Variants in SOD2 observed in about 807,000 individuals in gnomAD.
SOD2 encodes the protein superoxide dismutase 2, also known as superoxide dismutase [Mn], mitochondrial.
Under a neutral mutation model 27.0 loss-of-function variants are expected in SOD2, and 11 were observed. The ratio of observed to expected loss-of-function variants is 0.41; its 90% CI spans 0.26 to 0.67. SOD2 has a LOEUF of 0.67. Ranked by LOEUF, SOD2 falls within the 30% of genes least tolerant of loss-of-function variation. The probability of loss-of-function intolerance (pLI) is 0.34; values close to 1 mark genes in which losing one functional copy is unlikely to be tolerated. For synonymous variants in SOD2, 105 were observed against 103.0 expected (o/e 1.02, Z -0.12); for missense variants, 250 against 274.5 (o/e 0.91, Z 0.63).
rs1338638156 is a variant in SOD2 at position 159,677,227 on chromosome 6, C to T, written c.*5266G>A. 1 of 152,158 alleles carries T rather than the reference C, an allele frequency of 6.6e-6. No homozygotes were observed. Among genetic ancestry groups the T allele is most frequent in the Non-Finnish European group, 1.5e-5 (1 of 68,042 alleles). The allele number at this position is 152,158 out of a possible 1,614,324, so 9.4% of individuals were successfully genotyped here. ...GACTACTGGGTGCAACAATGGGACA[C>T]ACTGAAAGATGACTAGCATGTCATA... On this transcript the variant is annotated 3_prime_UTR_variant, in exon 5 of 5. Transcript: ENST00000538183.
At chr6:159,750,816 A>C (rs1779792013) in intron 1 of SOD2, among the ~76,000 whole-genome samples, 1 of 147,708 alleles carries the variant, frequency 6.8e-6, no homozygotes, top group African/African-American at 2.5e-5. Context: ...TACATCACTA[A>C]TTTGAAACAA....
chr6:159,753,337 A>G, intron 1 of SOD2: 1 of 1,323,570 alleles, frequency 7.6e-7, no homozygotes, highest in Non-Finnish European at 1.1e-6. Context: ...GATGGTAATT[A>G]TGGGGAAGCA....
Position 159,673,825 on chromosome 6 carries a change from G to C in SOD2, c.*8668C>G, listed in dbSNP as rs1779719211. The C allele has an allele frequency of 6.6e-6, 1 of 152,080 alleles. No homozygotes were observed. 9.4% of individuals were successfully genotyped at this position (152,080 alleles called of 1,614,324 possible). A position where few individuals can be genotyped will look rare whatever the true frequency, so the allele number is the denominator to read the frequency against. ...AATCCAGGAGCTGGTTTTTTGAAAA[G>C]ATAAACACAATTGATAGACCGCTAG... On this transcript the variant is annotated 3_prime_UTR_variant, in exon 5 of 5. Coordinates refer to ENST00000538183, the MANE Select transcript of SOD2 (RefSeq NM_000636.4).
intron 1 of SOD2, among the ~76,000 whole-genome samples, chr6:159,711,604 T>TCCACAACCACCACTCAGCTGCTCTGACCA (rs1562437344): frequency 1.7e-5 from 1 of 59,682 alleles, no homozygotes; most frequent in African/African-American, 7.1e-5. Context: ...CATAACCACC[T>TCCACAACCACCACTCAGCTGCTCTGACCA]CCATAACCAC....
chr6:159,694,845 C>G (rs1046630520), upstream of SOD2, among the ~76,000 whole-genome samples: 3 of 151,286 alleles, frequency 2.0e-5, no homozygotes, highest in African/African-American at 7.3e-5. Context: ...CTCAAGTGAT[C>G]TGCCCGCCTC....
chr6:159,702,778 A>G (rs1369303585), intron 1 of SOD2, among the ~76,000 whole-genome samples: 3 of 147,148 alleles, frequency 2.0e-5, no homozygotes, highest in Admixed American at 1.4e-4. Context: ...TGAGCCCAGA[A>G]GGCAGAGGAT....
chr6:159,751,330 T>C (rs1426380129), intron 1 of SOD2, among the ~76,000 whole-genome samples: 1 of 152,242 alleles, frequency 6.6e-6, no homozygotes, highest in Non-Finnish European at 1.5e-5. Context: ...GGTCACAGAT[T>C]AATGTATCTT....
chr6:159,709,865 C>A (rs946340289), intron 1 of SOD2, among the ~76,000 whole-genome samples: 45 of 152,130 alleles, frequency 3.0e-4, no homozygotes, highest in African/African-American at 9.6e-4. Flanking sequence ...CTGGAGCCAA[C>A]CCAAATGTCC....
chr6:159,712,445 C>A (rs541227434), intron 1 of SOD2, among the ~76,000 whole-genome samples: 3 of 41,726 alleles, frequency 7.2e-5, no homozygotes, highest in East Asian at 4.7e-4. Flanking sequence ...ACCACTCACA[C>A]TGCTCAGACC....
chr6:159,692,504 A>G (rs940388379), intron 2 of SOD2, 157 bp downstream of exon 2: 1 of 1,458,312 alleles, frequency 6.9e-7, no homozygotes, highest in Non-Finnish European at 9.1e-7. Context: ...GAGGTAGACC[A>G]TGTGTTTAAA....
chr6:159,721,429 T>C (rs940760349), intron 1 of SOD2, among the ~76,000 whole-genome samples: 6 of 151,454 alleles, frequency 4.0e-5, no homozygotes, highest in African/African-American at 7.3e-5. Context: ...AGTGCAATGG[T>C]GCGATCTTGG....
rs1778186454 is a variant in SOD2, at chr6:159,726,736, A to G, written c.-116+393T>C. 8.6e-6 allele frequency: 11 copies of G among 1,279,670 alleles called. No homozygotes were observed. The South Asian group carries it at 1.2e-4, about 14-fold the overall frequency. The allele number at this position is 1,279,670 out of a possible 1,614,324, so 79.3% of individuals were successfully genotyped here. ...GCGCAACCTCCGACGCCAGAGAACA[A>G]TAGCTCCTCGATGCGTCTCCAGAGA... On this transcript the variant is annotated intron_variant, in intron 1 of 2. Coordinates refer to the SOD2 transcript ENST00000401980.
chr6:159,684,773 CTG>C (rs5746130), intron 4 of SOD2, 79 bp downstream of exon 4: 10 of 1,118,420 alleles, frequency 8.9e-6, no homozygotes, highest in Admixed American at 4.8e-5. Context: ...TCTTAAAACA[CTG>C]TTAGTTTTCC....
intron 1 of SOD2, chr6:159,712,677 C>G (rs1281343421): frequency 2.8e-6 from 1 of 356,730 alleles, no homozygotes; most frequent in African/African-American, 2.2e-5. Flanking sequence ...CTAACCACCT[C>G]CATAACCACG....
intron 1 of SOD2, chr6:159,726,891 G>T (rs1300679398): frequency 7.8e-7 from 1 of 1,289,004 alleles, no homozygotes; most frequent in Non-Finnish European, 1.0e-6. Context: ...GCGGCTCGCC[G>T]CCCACGGCCT....
chr6:159,727,374 TGGCGGGAGGCGGGA>T (rs71033554), upstream of SOD2: 69 of 1,033,222 alleles, frequency 6.7e-5, no homozygotes, highest in Admixed American at 7.3e-4. Flanking sequence ...GCGGGGAGGC[TGGCGGGAGGCGGGA>T]GGCGGGAGGC....
chr6:159,694,761 A>ATTTTTTTTTT (rs34851405), upstream of SOD2, among the ~76,000 whole-genome samples: 1 of 140,538 alleles, frequency 7.1e-6, no homozygotes, highest in Non-Finnish European at 1.5e-5. Flanking sequence ...ACGCCCCACT[A>ATTTTTTTTTT]TTTTTTTTTT....
chr6:159,700,948 G>A (rs148705151), intron 1 of SOD2, among the ~76,000 whole-genome samples: 33 of 152,132 alleles, frequency 2.2e-4, no homozygotes, highest in Non-Finnish European at 4.3e-4. Flanking sequence ...GTAGGATCTC[G>A]GCTTTTAGAC....
rs972365381 is a variant in SOD2, at chr6:159,733,871, G to A, written c.-116+11259C>T. Among the ~76,000 whole-genome samples the A allele has an allele frequency of 6.6e-5, 10 of 152,260 alleles. No homozygotes were observed. The East Asian group carries it at 1.7e-3, about 26-fold the overall frequency. ...GCGGAGGTTGCGGTGAGCCGAGATC[G>A]CGCCGTTGCACTCCACCCCGGGCAA... On this transcript the variant is annotated intron_variant, in intron 1 of 3. Transcript: ENST00000537657.
Sources: gnomAD v4.1 joint callset for allele counts (sites outside exome capture counted in the v4.1 genomes callset) on GRCh38, gnomAD v4.1.1 for gene constraint, MANE v1.5 for transcripts, NCBI Gene and HGNC (gene_info 2026-07-23, HGNC 2026-07-21) for gene names.